The following CAPS2 variants were observed in gnomAD, a reference collection of about 807,000 sequenced individuals.
CAPS2 encodes calcyphosin-2.
Under a neutral mutation model 86.5 loss-of-function variants are expected in CAPS2, and 98 were observed. The ratio of observed to expected loss-of-function variants is 1.13; its 90% confidence interval spans 0.96 to 1.34. The LOEUF (loss-of-function observed/expected upper bound fraction) is 1.34. CAPS2 is among the 40% of genes most tolerant of loss of function. The probability of loss-of-function intolerance (pLI) is 0.00; values close to 1 mark genes in which losing one functional copy is unlikely to be tolerated. For synonymous variants in CAPS2, 210 were observed against 225.1 expected, an observed-to-expected ratio of 0.93 and a Z score of 0.60; for missense variants, 729 against 686.8, an observed-to-expected ratio of 1.06 and a Z score of -0.69.
At chr12:75,361,604 TG>T (rs1405630040) in intron 1 of CAPS2, among the ~76,000 whole-genome samples, 8 of 152,176 alleles carry the variant, frequency 5.3e-5, no homozygotes, top group African/African-American at 1.9e-4. Flanking sequence ...TCCACGTGAC[TG>T]GGGAGGCCTC....
intron 13 of CAPS2, among the ~76,000 whole-genome samples, 191 bp downstream of exon 13, chr12:75,291,553 G>T (rs1293485511): frequency 0.013 from 237 of 18,688 alleles, no homozygotes; most frequent in Middle Eastern, 0.038. Flanking sequence ...TATATATATA[G>T]CTTATTTTTA....
At chr12:75,370,044 T>G (rs1365508217) in intron 1 of CAPS2, 9 of 1,333,848 alleles carry the variant, frequency 6.7e-6, no homozygotes, top group Non-Finnish European at 9.6e-6. Context: ...GAAAATCAAT[T>G]GAACTCTTAA....
chr12:75,316,499 A>G (rs2039778543), intron 5 of CAPS2, 65 bp from the exon 6 acceptor site: 1 of 1,366,086 alleles, frequency 7.3e-7, no homozygotes, highest in African/African-American at 1.5e-5. Context: ...TTAACAAAAT[A>G]TGGGAATAGA....
At chr12:75,285,404 T>A (rs979498414) in intron 14 of CAPS2, among the ~76,000 whole-genome samples, 1 of 152,052 alleles carries the variant, frequency 6.6e-6, no homozygotes, top group Admixed American at 6.5e-5. Context: ...CATGTGTACA[T>A]TGTAGAATAA....
rs764314438 is a variant in CAPS2 at position 75,311,699 on chromosome 12, G to GAAAAAAAAAAAAAAAAAAAAAAAAAAAAA, written c.659+1148_659+1149insTTTTTTTTTTTTTTTTTTTTTTTTTTTTT. On this transcript the variant is annotated intron_variant, in intron 7 of 16. Transcript: ENST00000393284. Reference sequence around the variant, plus strand: ...CGTGTCACGTGCAGGAAGCCATGCAGGAAAAAAAAAAACAAAAAAAAAAAC... The same window carrying GAAAAAAAAAAAAAAAAAAAAAAAAAAAAA: ...CGTGTCACGTGCAGGAAGCCATGCAGAAAAAAAAAAAAAAAAAAAAAAAAAAAAAGAAAAAAAAAAACAAAAAAAAAAAC... Among the ~76,000 whole-genome samples the GAAAAAAAAAAAAAAAAAAAAAAAAAAAAA allele has an allele frequency of 1.2e-4, 2 of 16,992 alleles. 1 individual carries two copies. The highest frequency in any genetic ancestry group is 3.2e-4 in the Non-Finnish European group (2 of 6,320). 11.1% of individuals were successfully genotyped at this position (16,992 alleles called of 152,430 possible). A position where few individuals can be genotyped will look rare whatever the true frequency, so the allele number is the denominator to read the frequency against.
chr12:75,322,980 A>G, exon 4 of CAPS2: 1 of 1,487,818 alleles, frequency 6.7e-7, no homozygotes. Flanking sequence ...TAACCAATTT[A>G]TTTAGATGAT....
At chr12:75,278,112 C>A (rs983387893) in exon 17 of CAPS2, 2 of 913,422 alleles carry the variant, frequency 2.2e-6, no homozygotes, top group Non-Finnish European at 2.6e-6. Context: ...TAATAAAGAA[C>A]ATTTCCCTTT....
intron 1 of CAPS2, among the ~76,000 whole-genome samples, chr12:75,336,156 G>A (rs1238092763): frequency 6.6e-6 from 1 of 151,848 alleles, no homozygotes; most frequent in African/African-American, 2.4e-5. Flanking sequence ...TGGATGGACC[G>A]TGAGAAGTTA....
At chr12:75,299,133 A>C (rs544438897) in intron 9 of CAPS2, among the ~76,000 whole-genome samples, 167 bp from the exon 10 acceptor site, 24 of 152,334 alleles carry the variant, frequency 1.6e-4, no homozygotes, top group Middle Eastern at 3.4e-3. Flanking sequence ...AGCTTGCTGA[A>C]ATGTCCACTA....
chr12:75,311,724 CA>C (rs1188952105), intron 7 of CAPS2, among the ~76,000 whole-genome samples: 4 of 15,686 alleles, frequency 2.6e-4, no homozygotes, highest in Middle Eastern at 0.029. Context: ...AAAAAAAAAA[CA>C]AAAAAAAAAA....
chr12:75,356,308 T>C (rs1388594032), intron 1 of CAPS2, among the ~76,000 whole-genome samples: 1 of 152,192 alleles, frequency 6.6e-6, no homozygotes, highest in Non-Finnish European at 1.5e-5. Flanking sequence ...AATATGTTTA[T>C]AGATGACTGG....
intron 14 of CAPS2, among the ~76,000 whole-genome samples, chr12:75,287,626 G>T (rs1488278576): frequency 6.6e-6 from 1 of 152,142 alleles, no homozygotes; most frequent in South Asian, 2.1e-4. Context: ...GCTTGTGGAG[G>T]TTCCTGGAGG....
intron 7 of CAPS2, 106 bp from the exon 8 acceptor site, chr12:75,304,982 T>C (rs937941150): frequency 1.3e-6 from 1 of 766,676 alleles, no homozygotes; most frequent in Non-Finnish European, 2.0e-6. Context: ...AATGCAAATT[T>C]ACAACACTGT....
intron 1 of CAPS2, among the ~76,000 whole-genome samples, chr12:75,341,565 G>C (rs1270312026): frequency 6.6e-5 from 10 of 150,580 alleles, no homozygotes; most frequent in Middle Eastern, 3.3e-3. Flanking sequence ...TCCTGCCTCA[G>C]CCTCCGGAGT....
At chr12:75,276,407 CAAAAGT>C, downstream of CAPS2, 1 of 981,112 alleles carries the variant, frequency 1.0e-6, no homozygotes, top group Non-Finnish European at 1.2e-6. Context: ...AACTGGAAGT[CAAAAGT>C]AATATGTAAA....
upstream of CAPS2, chr12:75,334,346 C>A (rs2139204553): frequency 8.9e-6 from 3 of 336,430 alleles, no homozygotes; most frequent in South Asian, 2.0e-4. Context: ...GCTTTGCACT[C>A]GACTGGCCCA....
At chr12:75,303,170 A>G (rs976449141) in intron 8 of CAPS2, among the ~76,000 whole-genome samples, 1 of 152,214 alleles carries the variant, frequency 6.6e-6, no homozygotes, top group African/African-American at 2.4e-5. Flanking sequence ...CTATACAACA[A>G]TGAGAATAAA....
chr12:75,356,277 A>T (rs1292882335), intron 1 of CAPS2, among the ~76,000 whole-genome samples: 3 of 152,214 alleles, frequency 2.0e-5, no homozygotes, highest in Non-Finnish European at 4.4e-5. Context: ...TACACAGAAA[A>T]TCTTTTAAAA....
intron 5 of CAPS2, among the ~76,000 whole-genome samples, chr12:75,317,897 G>A (rs1431960703): frequency 6.6e-6 from 1 of 151,936 alleles, no homozygotes; most frequent in African/African-American, 2.4e-5. Flanking sequence ...ATACAGTACA[G>A]TATGATTAAC....
Sources: gnomAD v4.1 joint callset for allele counts (sites outside exome capture counted in the v4.1 genomes callset) on GRCh38, gnomAD v4.1.1 for gene constraint, MANE v1.5 for transcripts, NCBI Gene and HGNC (gene_info 2026-07-23, HGNC 2026-07-21) for gene names.